ZFAT: variants seen among roughly 807,000 people sequenced by gnomAD.
The protein encoded by ZFAT is zinc finger and AT-hook domain containing.
Under a neutral mutation model 117.7 loss-of-function variants are expected in ZFAT, and 64 were observed. That is an observed-to-expected ratio of 0.54 (90% CI 0.44 to 0.67). The LOEUF (loss-of-function observed/expected upper bound fraction) is 0.67. ZFAT is among the 30% of genes least tolerant of loss of function. The pLI, the probability that ZFAT is intolerant of heterozygous loss-of-function variation, is 0.00. For missense variants in ZFAT, 1,433 were observed against 1,584.5 expected (o/e 0.90, Z 1.62); for synonymous variants, 679 against 615.0 (o/e 1.10, Z -1.54).
chr8:134,776,819 T>A, the ZFAT span, among the ~76,000 whole-genome samples: 3 of 152,246 alleles, frequency 2.0e-5, no homozygotes, highest in African/African-American at 7.2e-5. Context: ...ATTTGTGCAA[T>A]CTTCCAAGAT....
the ZFAT span, among the ~76,000 whole-genome samples, chr8:134,737,170 C>T: frequency 2.0e-5 from 3 of 152,018 alleles, no homozygotes; most frequent in Non-Finnish European, 4.4e-5. Flanking sequence ...ATCCCAGCTA[C>T]CCAGGAGGCT....
chr8:134,624,768 T>C (rs1160700909), intron 3 of ZFAT, among the ~76,000 whole-genome samples: 1 of 152,312 alleles, frequency 6.6e-6, no homozygotes, highest in East Asian at 1.9e-4. Context: ...ATCTCACATG[T>C]AACTCGTAAT....
chr8:134,716,140 T>C (rs576149188), upstream of ZFAT, among the ~76,000 whole-genome samples: 305 of 121,490 alleles, frequency 2.5e-3, 1 homozygote, highest in African/African-American at 8.9e-3. Flanking sequence ...CCCTAAAATT[T>C]ATTTATATAT....
chr8:134,763,341 A>G, the ZFAT span, among the ~76,000 whole-genome samples: 1 of 152,210 alleles, frequency 6.6e-6, no homozygotes, highest in Non-Finnish European at 1.5e-5. Context: ...TTCTTGGAAC[A>G]AGACAAGTTT....
the ZFAT span, among the ~76,000 whole-genome samples, chr8:134,752,882 T>G: frequency 6.6e-6 from 1 of 152,092 alleles, no homozygotes. Context: ...CAAGGCCCCA[T>G]CTCCAAATAC....
chr8:134,669,504 G>C (rs986239020), intron 1 of ZFAT, among the ~76,000 whole-genome samples: 5 of 152,124 alleles, frequency 3.3e-5, no homozygotes, highest in African/African-American at 1.2e-4. Context: ...GCCAAACTAA[G>C]CTTCATAAGT....
At chr8:134,567,168 G>A (rs1333883047) in intron 10 of ZFAT, among the ~76,000 whole-genome samples, 1 of 152,136 alleles carries the variant, frequency 6.6e-6, no homozygotes, top group Admixed American at 6.5e-5. Context: ...TCCTAAGCTG[G>A]ACACATCTTC....
the ZFAT span, among the ~76,000 whole-genome samples, chr8:134,729,358 G>T: frequency 3.0e-4 from 46 of 152,350 alleles, no homozygotes; most frequent in African/African-American, 1.0e-3. Flanking sequence ...TTGAGACGGA[G>T]TCTCGCTCTA....
intron 11 of ZFAT, among the ~76,000 whole-genome samples, chr8:134,548,713 T>C (rs1822892251): frequency 6.9e-6 from 1 of 145,814 alleles, no homozygotes; most frequent in Non-Finnish European, 1.6e-5. Flanking sequence ...CTGCATACTG[T>C]GTCCCTACCA....
In ZFAT at chr8:134,638,237, A is replaced by G. The variant is rs1830348663; in HGVS notation, c.197-525T>C. The stretch of plus-strand genomic sequence containing the variant: ...TAATTACAATCTAAAGCCACAAATT[A>G]TAGCACTAAAGACAATAACAATATT... On this transcript the variant is annotated intron_variant, in intron 2 of 15. Transcript: ENST00000377838. Among the ~76,000 whole-genome samples the G allele has an allele frequency of 8.5e-5, 13 of 152,356 alleles. No individual in the cohort carries two copies. In the South Asian group the frequency reaches 2.7e-3, roughly 32 times the overall value.
At chr8:134,638,861 G>T (rs114572455) in intron 2 of ZFAT, among the ~76,000 whole-genome samples, 3 of 152,194 alleles carry the variant, frequency 2.0e-5, no homozygotes. Context: ...GCAGAGAGCC[G>T]CCAGCAGCCT....
intron 7 of ZFAT, chr8:134,599,590 C>A (rs1827249083): frequency 2.8e-6 from 1 of 363,568 alleles, no homozygotes; most frequent in African/African-American, 2.1e-5. Flanking sequence ...ACTCACCACA[C>A]CCAAACACCT....
chr8:134,722,240 A>G, the ZFAT span, among the ~76,000 whole-genome samples: 1 of 152,218 alleles, frequency 6.6e-6, no homozygotes, highest in African/African-American at 2.4e-5. Flanking sequence ...AGGGGTGGAG[A>G]GTCCCTGGGA....
intron 9 of ZFAT, among the ~76,000 whole-genome samples, chr8:134,587,883 T>C (rs1395124984): frequency 6.6e-6 from 1 of 152,164 alleles, no homozygotes. Flanking sequence ...ATACCAACAT[T>C]TCTGGAAAAC....
the ZFAT span, among the ~76,000 whole-genome samples, chr8:134,772,330 A>C: frequency 0.011 from 1,645 of 152,364 alleles, 29 homozygotes; most frequent in African/African-American, 0.037. Context: ...AAGTTCACGA[A>C]GGAAATTCAA....
chr8:134,672,747 A>C (rs1225870678), intron 1 of ZFAT, among the ~76,000 whole-genome samples: 1 of 152,208 alleles, frequency 6.6e-6, no homozygotes. Flanking sequence ...TTGAAAGAAA[A>C]GAACTGTCCA....
At position 134,532,965 on chromosome 8, in the gene ZFAT, C is replaced by G; in HGVS notation, c.2984G>C (p.Arg995Pro). 1 of 1,603,160 alleles carries G rather than the reference C, an allele frequency of 6.2e-7. No homozygotes were observed. The highest frequency in any genetic ancestry group is 8.5e-7 in the Non-Finnish European group (1 of 1,174,888). Residue 995 changes from arginine to proline, a missense_variant, in exon 12 of 16, where the codon CGC (arginine) becomes CCC (proline). Around this residue, in one of 5 missense-constraint regions of ZFAT, gnomAD observed 503 missense variants for 543.4 expected, o/e 0.93. Coordinates refer to ENST00000377838, the MANE Select transcript of ZFAT (RefSeq NM_020863.4). ...GCAGGAGTAATGGCAATGGGCACAG[C>G]GGAAAGGCTGCGGGGACAATGAGGA... is the stretch of plus-strand genomic sequence containing the variant. Reference protein sequence around the residue: ...MEQHVSFKPFRCAHCHYSCNI... With the variant: ...MEQHVSFKPFPCAHCHYSCNI...
the ZFAT span, among the ~76,000 whole-genome samples, chr8:134,800,297 T>C: frequency 1.3e-5 from 2 of 152,196 alleles, no homozygotes; most frequent in Admixed American, 1.3e-4. Flanking sequence ...ATACTGTTTT[T>C]CTGTTTTAAC....
At chr8:134,567,994 G>T (rs1345626032) in intron 10 of ZFAT, among the ~76,000 whole-genome samples, 3 of 152,184 alleles carry the variant, frequency 2.0e-5, no homozygotes, top group Non-Finnish European at 4.4e-5. Flanking sequence ...GTACAAGGCA[G>T]GGCTGCCTTC....
Sources: allele counts gnomAD v4.1 joint callset (sites outside exome capture counted in the v4.1 genomes callset), GRCh38; gene constraint gnomAD v4.1.1; regional missense constraint gnomAD v4.1.1; transcripts MANE v1.5; gene names NCBI Gene and HGNC (gene_info 2026-07-23, HGNC 2026-07-21).